The following POLD3 variants were observed in gnomAD, a reference collection of about 807,000 sequenced individuals.
The protein encoded by POLD3 is DNA polymerase delta 3, accessory subunit.
POLD3 carries 19 observed loss-of-function variants against 58.2 expected under a neutral mutation model. The ratio of observed to expected loss-of-function variants is 0.33; its 90% CI spans 0.23 to 0.48. The LOEUF is 0.48. POLD3 is among the 20% of genes least tolerant of loss of function. POLD3 has a pLI of 0.99. For missense variants in POLD3, 504 were observed against 545.5 expected, an observed-to-expected ratio of 0.92 and a Z score of 0.76; for synonymous variants, 172 against 193.5, an observed-to-expected ratio of 0.89 and a Z score of 0.92.
chr11:74,616,213 T>C (rs1054091713), intron 5 of POLD3, among the ~76,000 whole-genome samples: 1 of 152,164 alleles, frequency 6.6e-6, no homozygotes, highest in Non-Finnish European at 1.5e-5. Context: ...AATGTGGTAA[T>C]AGGAAGCACT....
chr11:74,623,155 C>T (rs952469508), intron 7 of POLD3, among the ~76,000 whole-genome samples: 1 of 152,072 alleles, frequency 6.6e-6, no homozygotes, highest in Admixed American at 6.6e-5. Context: ...AAGTAGGGGC[C>T]GGGTGTGGTG....
At chr11:74,622,971 G>T (rs1203414834) in intron 7 of POLD3, among the ~76,000 whole-genome samples, 2 of 152,176 alleles carry the variant, frequency 1.3e-5, no homozygotes, top group Non-Finnish European at 2.9e-5. Context: ...AACAAAGGTG[G>T]TATATCCAGA....
At chr11:74,594,291 TG>T (rs2135107431) in intron 2 of POLD3, among the ~76,000 whole-genome samples, 175 bp downstream of exon 2, 1 of 152,346 alleles carries the variant, frequency 6.6e-6, no homozygotes, top group East Asian at 1.9e-4. Flanking sequence ...TTCATTGTCA[TG>T]GCATTCTCCC....
chr11:74,597,354 T>A (rs1362808224), intron 2 of POLD3, among the ~76,000 whole-genome samples: 4 of 152,226 alleles, frequency 2.6e-5, no homozygotes, highest in East Asian at 1.9e-4. Flanking sequence ...TTTCTAAGAT[T>A]TTTTAGTTTT....
At chr11:74,617,956 C>T (rs1055300465) in intron 5 of POLD3, among the ~76,000 whole-genome samples, 1 of 152,068 alleles carries the variant, frequency 6.6e-6, no homozygotes, top group Non-Finnish European at 1.5e-5. Context: ...TAGGCTTAAG[C>T]GATCCGCCCG....
chr11:74,646,608 T>C (rs1175810755), downstream of POLD3, among the ~76,000 whole-genome samples: 1 of 152,246 alleles, frequency 6.6e-6, no homozygotes, highest in Non-Finnish European at 1.5e-5. Flanking sequence ...TTAATTGCTT[T>C]CAGTTTAAGT....
chr11:74,641,909 T>A lies in POLD3; in HGVS notation c.*1143T>A. On this transcript the variant is annotated 3_prime_UTR_variant, in exon 12 of 12. Coordinates refer to ENST00000263681, the MANE Select transcript of POLD3 (RefSeq NM_006591.3). ...CAAAGAAAACATTTTTATTAGTTAC[T>A]TATGGAAAATCATCTATTACAATGA... is the stretch of plus-strand genomic sequence containing the variant. 6 of 985,304 alleles carry A rather than the reference T, an allele frequency of 6.1e-6. No homozygotes were observed. Among genetic ancestry groups the A allele is most frequent in the Non-Finnish European group, 7.2e-6 (6 of 829,806 alleles). 61.0% of individuals were successfully genotyped at this position (985,304 alleles called of 1,614,324 possible).
chr11:74,609,673 G>A (rs751259165), intron 3 of POLD3, among the ~76,000 whole-genome samples: 7 of 151,614 alleles, frequency 4.6e-5, no homozygotes, highest in South Asian at 2.1e-4. Flanking sequence ...GAGCCACTGC[G>A]CCTGGCCTGT....
Position 74,638,342 on chromosome 11 carries a change from C to T in POLD3, c.1198+2067C>T, listed in dbSNP as rs185378167. Among the ~76,000 whole-genome samples the T allele has an allele frequency of 9.2e-3, 1,392 of 152,120 alleles. 7 individuals are homozygous for T. Among genetic ancestry groups the T allele is most frequent in the Non-Finnish European group, 0.016 (1,078 of 67,984 alleles). On this transcript the variant is annotated intron_variant, in intron 11 of 11. Transcript: ENST00000263681. Reference sequence around the variant, plus strand: ...GTGCTGCCCTGACTGTTTTTTAACTCCCCTGAGCAATGTCTCACACAAAAT... The same window carrying T: ...GTGCTGCCCTGACTGTTTTTTAACTTCCCTGAGCAATGTCTCACACAAAAT...
At chr11:74,615,199 A>C (rs1203085803) in intron 5 of POLD3, among the ~76,000 whole-genome samples, 1 of 152,180 alleles carries the variant, frequency 6.6e-6, no homozygotes, top group Admixed American at 6.5e-5. Context: ...TACCAGCCAG[A>C]TAGGGTTGTA....
intron 3 of POLD3, among the ~76,000 whole-genome samples, chr11:74,611,198 AAAAAGC>A (rs1309300460): frequency 6.6e-6 from 1 of 152,210 alleles, no homozygotes; most frequent in Non-Finnish European, 1.5e-5. Context: ...ATCACTCACT[AAAAAGC>A]CTTTGCTCAC....
chr11:74,648,787 T>C lies in POLD3; in HGVS notation c.369+12512T>C, dbSNP rs528727738. 9.3e-4 allele frequency among the ~76,000 whole-genome samples: 142 copies of C among 152,304 alleles called. 1 individual carries two copies. The highest frequency in any genetic ancestry group is 1.5e-4 in the Non-Finnish European group (10 of 68,028). ...AATTTTAACATGTCAGATTCGTACA[T>C]TAGAAAGATCAGCTTTAGTAGCCTA... On this transcript the variant is annotated intron_variant, in intron 4 of 4. Transcript: ENST00000524752.
At chr11:74,630,830 T>G (rs185573660) in intron 9 of POLD3, among the ~76,000 whole-genome samples, 35 of 152,370 alleles carry the variant, frequency 2.3e-4, no homozygotes, top group Non-Finnish European at 2.6e-4. Context: ...AAGGAATGAC[T>G]ATGGTTGGTT....
intron 4 of POLD3, among the ~76,000 whole-genome samples, chr11:74,667,012 G>T (rs1307698245): frequency 6.6e-6 from 1 of 150,540 alleles, no homozygotes; most frequent in Non-Finnish European, 1.5e-5. Context: ...ATGGGGGAAA[G>T]AATAGTCTTT....
intron 7 of POLD3, among the ~76,000 whole-genome samples, chr11:74,623,508 A>G (rs2032330204): frequency 6.6e-6 from 1 of 152,144 alleles, no homozygotes; most frequent in East Asian, 1.9e-4. Context: ...AGGAATGCTA[A>G]TGGGTTCAGG....
At chr11:74,604,272 A>G (rs952926762) in intron 2 of POLD3, among the ~76,000 whole-genome samples, 2 of 152,222 alleles carry the variant, frequency 1.3e-5, no homozygotes, top group African/African-American at 2.4e-5. Context: ...TAAAAGAATC[A>G]CTAATCTAAT....
intron 8 of POLD3, 199 bp from the exon 9 acceptor site, chr11:74,629,018 C>A: frequency 2.5e-6 from 1 of 394,854 alleles, no homozygotes; most frequent in East Asian, 4.0e-5. Context: ...CTTTTTTATT[C>A]AAGTCACCTC....
At chr11:74,599,042 G>A (rs1405446324) in intron 2 of POLD3, among the ~76,000 whole-genome samples, 1 of 152,170 alleles carries the variant, frequency 6.6e-6, no homozygotes, top group Non-Finnish European at 1.5e-5. Flanking sequence ...TATGGTTTAT[G>A]TTTGTTTTGA....
intron 3 of POLD3, among the ~76,000 whole-genome samples, chr11:74,606,136 CT>C (rs1349697555): frequency 1.3e-5 from 2 of 152,164 alleles, no homozygotes; most frequent in East Asian, 1.9e-4. Context: ...GGATCCTATC[CT>C]TATACTCTCT....
Sources: gnomAD v4.1 joint callset for allele counts (sites outside exome capture counted in the v4.1 genomes callset) on GRCh38, gnomAD v4.1.1 for gene constraint, MANE v1.5 for transcripts, NCBI Gene and HGNC (gene_info 2026-07-23, HGNC 2026-07-21) for gene names.